The following PTK2B variants were observed in gnomAD, a reference collection of about 807,000 sequenced individuals.
PTK2B encodes the protein protein tyrosine kinase 2 beta.
A neutral mutation model predicts 142.9 loss-of-function variants in PTK2B; 71 were observed. The ratio of observed to expected loss-of-function variants is 0.50; its 90% CI spans 0.41 to 0.61. The LOEUF is 0.61. Ranked by LOEUF, PTK2B falls within the 20% of genes least tolerant of loss-of-function variation. The probability of loss-of-function intolerance (pLI) is 0.00; values close to 1 mark genes in which losing one functional copy is unlikely to be tolerated. For synonymous variants in PTK2B, 519 were observed against 503.4 expected, an observed-to-expected ratio of 1.03 and a Z score of -0.42; for missense variants, 1,105 against 1,320.4, an observed-to-expected ratio of 0.84 and a Z score of 2.53.
At chr8:27,334,090 C>G (rs558124933) in intron 1 of PTK2B, among the ~76,000 whole-genome samples, 10 of 152,114 alleles carry the variant, frequency 6.6e-5, no homozygotes, top group Non-Finnish European at 1.5e-4. Flanking sequence ...TCATATCTTG[C>G]CCATCACTCA....
chr8:27,352,743 G>C (rs2130559579), intron 1 of PTK2B, among the ~76,000 whole-genome samples: 1 of 152,284 alleles, frequency 6.6e-6, no homozygotes, highest in Middle Eastern at 3.4e-3. Context: ...AAGTCTCCCT[G>C]CACAAGCTCT....
In PTK2B at chr8:27,441,994, T is replaced by G. The variant is rs1462160615; in HGVS notation, c.2040-881T>G. On this transcript the variant is annotated intron_variant, in intron 21 of 30. Transcript: ENST00000346049. The stretch of plus-strand genomic sequence containing the variant: ...GTTTCTGGTGTGATCTGGAAAACAC[T>G]GAAAGACTCAGAAGACCCCAGGTTG... Among the ~76,000 whole-genome samples the G allele has an allele frequency of 2.6e-5, 4 of 152,224 alleles. No homozygotes were observed. In the East Asian group the frequency reaches 5.8e-4, roughly 22 times the overall value.
At chr8:27,351,521 TC>T (rs1347940924) in intron 1 of PTK2B, among the ~76,000 whole-genome samples, 5 of 152,146 alleles carry the variant, frequency 3.3e-5, no homozygotes, top group African/African-American at 1.2e-4. Context: ...TCTGTTGACT[TC>T]CATCCCTCTA....
intron 3 of PTK2B, among the ~76,000 whole-genome samples, chr8:27,315,312 G>A (rs1803068162): frequency 6.6e-6 from 1 of 152,176 alleles, no homozygotes; most frequent in Admixed American, 6.5e-5. Context: ...CATGCTAGGT[G>A]ATTCTGAGGT....
rs1808163988 is a variant in PTK2B, at chr8:27,397,923, G to C, written c.204+135G>C. 68 of 1,111,284 alleles carry C rather than the reference G, an allele frequency of 6.1e-5. No individual in the cohort carries two copies. In the South Asian group the frequency reaches 9.6e-4, roughly 16 times the overall value. 68.8% of individuals were successfully genotyped at this position (1,111,284 alleles called of 1,614,324 possible). A position where few individuals can be genotyped will look rare whatever the true frequency, so the allele number is the denominator to read the frequency against. On this transcript the variant is annotated intron_variant, in intron 2 of 30. Coordinates refer to ENST00000346049, the MANE Select transcript of PTK2B (RefSeq NM_173176.3). ...GGAAGAGGTGAGGTGGCATCAGAGA[G>C]ATGTGCTCAGCCTGCATCACCAGGC...
chr8:27,451,551 C>T, intron 27 of PTK2B, 42 bp downstream of exon 27: 1 of 1,613,700 alleles, frequency 6.2e-7, no homozygotes, highest in Non-Finnish European at 8.5e-7. Flanking sequence ...CCTCTTGGCA[C>T]CTTGTGCAGA....
intron 1 of PTK2B, among the ~76,000 whole-genome samples, chr8:27,391,447 TC>T (rs1310204129): frequency 6.6e-6 from 1 of 152,240 alleles, no homozygotes; most frequent in African/African-American, 2.4e-5. Context: ...TTTGGGACTC[TC>T]AGCATCCCCT....
At chr8:27,364,484 C>T (rs1805901612) in intron 1 of PTK2B, among the ~76,000 whole-genome samples, 1 of 152,224 alleles carries the variant, frequency 6.6e-6, no homozygotes, top group Non-Finnish European at 1.5e-5. Flanking sequence ...AGAAAAGCTT[C>T]CTGACGGAGG....
chr8:27,431,684 T>C (rs1455866747), intron 9 of PTK2B, among the ~76,000 whole-genome samples: 1 of 152,236 alleles, frequency 6.6e-6, no homozygotes. Context: ...GTGACTGTCA[T>C]CTGCACAGAG....
chr8:27,433,392 C>T, intron 10 of PTK2B, 43 bp from the exon 11 acceptor site: 1 of 1,553,858 alleles, frequency 6.4e-7, no homozygotes, highest in Non-Finnish European at 8.9e-7. Context: ...GGTCTCTAGC[C>T]AAGGCTCTGG....
At chr8:27,388,386 T>G (rs1419666321) in intron 1 of PTK2B, among the ~76,000 whole-genome samples, 3 of 152,140 alleles carry the variant, frequency 2.0e-5, no homozygotes. Context: ...GTTTTGAAAA[T>G]AACAACTTTC....
At chr8:27,408,163 G>GGCTTCCCCATAGGTGGGTCTTA (rs1697279952) in intron 2 of PTK2B, among the ~76,000 whole-genome samples, 1 of 151,354 alleles carries the variant, frequency 6.6e-6, no homozygotes, top group African/African-American at 2.4e-5. Flanking sequence ...ATAGAAACTA[G>GGCTTCCCCATAGGTGGGTCTTA]GATTGTCTTC....
rs1184503889 is a variant in PTK2B, at chr8:27,454,339, C to A, written c.2733+48C>A. 8 of 1,595,788 alleles carry A rather than the reference C, an allele frequency of 5.0e-6. 1 individual carries two copies. Among genetic ancestry groups the A allele is most frequent in the Non-Finnish European group, 6.0e-6 (7 of 1,171,238 alleles). On this transcript the variant is annotated intron_variant, in intron 29 of 30. Coordinates refer to ENST00000346049, the MANE Select transcript of PTK2B (RefSeq NM_173176.3). ...GAGGTGGAGGCGGCTCAAGTCCGCC[C>A]TGGAAGGAAAGGGGACTGCGCTTCC...
At chr8:27,408,897 T>C (rs1361863193) in intron 2 of PTK2B, among the ~76,000 whole-genome samples, 3 of 152,170 alleles carry the variant, frequency 2.0e-5, no homozygotes, top group Non-Finnish European at 1.5e-5. Flanking sequence ...TTCTGGAGGC[T>C]AGAAATTAAA....
intron 1 of PTK2B, among the ~76,000 whole-genome samples, chr8:27,366,108 A>G (rs1806005254): frequency 1.3e-5 from 2 of 152,212 alleles, no homozygotes; most frequent in Non-Finnish European, 2.9e-5. Context: ...CACCTGTGCT[A>G]CTTCCTGTGA....
At chr8:27,447,785 G>A (rs1330733373) in intron 24 of PTK2B, among the ~76,000 whole-genome samples, 1 of 152,174 alleles carries the variant, frequency 6.6e-6, no homozygotes, top group Admixed American at 6.5e-5. Flanking sequence ...CTTGAACCTG[G>A]GAGGCAGAGG....
chr8:27,430,714 G>A (rs139042071), intron 7 of PTK2B, among the ~76,000 whole-genome samples, 162 bp from the exon 8 acceptor site: 286 of 152,340 alleles, frequency 1.9e-3, no homozygotes, highest in African/African-American at 6.3e-3. Context: ...TCTCCCTTGA[G>A]ACAATGGGTA....
chr8:27,431,188 G>A (rs1810395943), intron 8 of PTK2B, 172 bp downstream of exon 8: 1 of 1,466,334 alleles, frequency 6.8e-7, no homozygotes, highest in South Asian at 1.4e-5. Context: ...GCCTGAAGCA[G>A]GCACTGAAAT....
intron 5 of PTK2B, among the ~76,000 whole-genome samples, chr8:27,424,215 A>G (rs1809934884): frequency 1.3e-5 from 2 of 152,128 alleles, no homozygotes; most frequent in African/African-American, 4.8e-5. Context: ...TCAAGCAGTC[A>G]TCACTTAGTT....
Sources: gnomAD v4.1 joint callset for allele counts (sites outside exome capture counted in the v4.1 genomes callset) on GRCh38, gnomAD v4.1.1 for gene constraint, MANE v1.5 for transcripts, NCBI Gene and HGNC (gene_info 2026-07-23, HGNC 2026-07-21) for gene names.